Variants in TLN2 observed in about 807,000 individuals in gnomAD.
TLN2 encodes the protein talin-2.
Under a neutral mutation model 294.7 loss-of-function variants are expected in TLN2, and 118 were observed. The ratio of observed to expected loss-of-function variants is 0.40; its 90% confidence interval spans 0.34 to 0.47. The LOEUF (loss-of-function observed/expected upper bound fraction) is 0.47, where lower values mean the gene tolerates loss of function less well. Among genes scored for constraint, TLN2 ranks in the 20% least tolerant of loss-of-function variants. The pLI is 0.84. For synonymous variants in TLN2, 1,431 were observed against 1,304.5 expected, an observed-to-expected ratio of 1.10 and a Z score of -2.09; for missense variants, 3,083 against 3,282.2, an observed-to-expected ratio of 0.94 and a Z score of 1.48.
chr15:62,766,852 C>G (rs551641799), intron 41 of TLN2, among the ~76,000 whole-genome samples: 1 of 152,192 alleles, frequency 6.6e-6, no homozygotes, highest in Non-Finnish European at 1.5e-5. Context: ...AGTGTCTACT[C>G]TTAGACATAA....
At chr15:62,551,513 TACACACACACACACACACACAC>T in intron 1 of TLN2, among the ~76,000 whole-genome samples, 1 of 147,088 alleles carries the variant, frequency 6.8e-6, no homozygotes, top group African/African-American at 2.5e-5. Context: ...CTACTAAAAA[TACACACACACACACACACACAC>T]ACACACACAC....
At chr15:62,768,976 G>A (rs908824480) in intron 41 of TLN2, among the ~76,000 whole-genome samples, 1 of 152,204 alleles carries the variant, frequency 6.6e-6, no homozygotes, top group Non-Finnish European at 1.5e-5. Flanking sequence ...GTAAGGAATT[G>A]GCAGGGAAGA....
At chr15:62,486,387 T>A (rs1303912851) in intron 1 of TLN2, among the ~76,000 whole-genome samples, 1 of 152,018 alleles carries the variant, frequency 6.6e-6, no homozygotes, top group African/African-American at 2.4e-5. Flanking sequence ...CAATCCAGGA[T>A]TACGCAGATT....
chr15:62,548,019 G>T (rs1227126691), intron 1 of TLN2, among the ~76,000 whole-genome samples: 3 of 152,220 alleles, frequency 2.0e-5, no homozygotes, highest in Non-Finnish European at 4.4e-5. Context: ...CCCTTTGCAA[G>T]GGGTTGCAAA....
chr15:62,435,011 A>C (rs548820216), intron 1 of TLN2, among the ~76,000 whole-genome samples: 139 of 152,246 alleles, frequency 9.1e-4, no homozygotes, highest in African/African-American at 3.1e-3. Flanking sequence ...GAGAACATGC[A>C]GTGTTTGGTT....
chr15:62,586,357 G>T (rs2045613569), intron 1 of TLN2, among the ~76,000 whole-genome samples: 1 of 152,212 alleles, frequency 6.6e-6, no homozygotes, highest in Non-Finnish European at 1.5e-5. Context: ...GGGAAATTTT[G>T]TAGGGAAGAA....
intron 39 of TLN2, chr15:62,763,224 T>C (rs373741859): frequency 0.015 from 1,561 of 105,750 alleles, 14 homozygotes; most frequent in African/African-American, 0.055. Flanking sequence ...TTTTTTTTTC[T>C]TTTTTTTTTT....
chr15:62,569,052 G>T (rs562125573), intron 1 of TLN2, among the ~76,000 whole-genome samples: 1 of 152,212 alleles, frequency 6.6e-6, no homozygotes, highest in South Asian at 2.1e-4. Context: ...TCAGCTGCTG[G>T]TGGCTCCATG....
intron 1 of TLN2, among the ~76,000 whole-genome samples, chr15:62,496,236 C>T (rs1366977891): frequency 6.6e-6 from 1 of 152,158 alleles, no homozygotes. Context: ...TACGTGTCTA[C>T]GAAGAGAAGC....
chr15:62,402,011 A>G (rs1177914787), intron 1 of TLN2, among the ~76,000 whole-genome samples: 1 of 152,182 alleles, frequency 6.6e-6, no homozygotes. Flanking sequence ...GAATTATGCC[A>G]TCCAAAATGT....
chr15:62,776,947 T>C (rs1287818371), intron 43 of TLN2, 37 bp downstream of exon 43: 1 of 1,424,996 alleles, frequency 7.0e-7, no homozygotes, highest in Non-Finnish European at 9.3e-7. Context: ...CTCCCTTATC[T>C]CCCTCACCCA....
At chr15:62,814,709 A>G (rs2066956807) in intron 52 of TLN2, among the ~76,000 whole-genome samples, 1 of 152,266 alleles carries the variant, frequency 6.6e-6, no homozygotes. Flanking sequence ...TATAAAAAAT[A>G]CAAGTTCCTG....
chr15:62,781,579 T>C (rs369295307), intron 44 of TLN2, among the ~76,000 whole-genome samples: 29 of 152,190 alleles, frequency 1.9e-4, no homozygotes, highest in African/African-American at 7.0e-4. Context: ...GAGAATCTTA[T>C]TCACCTCACG....
At chr15:62,728,885 A>G (rs116434193) in intron 28 of TLN2, among the ~76,000 whole-genome samples, 113 of 151,996 alleles carry the variant, frequency 7.4e-4, no homozygotes, top group African/African-American at 2.7e-3. Context: ...TTTTTTCTTT[A>G]TGGTTAGTAC....
chr15:62,582,172 T>TAAC (rs143829552), intron 1 of TLN2, among the ~76,000 whole-genome samples: 17,678 of 138,348 alleles, frequency 0.13, 1,305 homozygotes, highest in Middle Eastern at 0.18. Flanking sequence ...CAGCCAGCCA[T>TAAC]AACTTCAGTG....
chr15:62,697,096 A>G (rs1444111430), intron 14 of TLN2, among the ~76,000 whole-genome samples: 1 of 152,186 alleles, frequency 6.6e-6, no homozygotes, highest in Non-Finnish European at 1.5e-5. Flanking sequence ...TATTATGGGA[A>G]TCTCTGTGTT....
At chr15:62,829,815 C>T (rs936453379) in intron 54 of TLN2, 1 of 152,174 alleles carries the variant, frequency 6.6e-6, no homozygotes, top group African/African-American at 2.4e-5. Context: ...CTCTGGGAGC[C>T]ATCCTTCTAC....
chr15:62,592,273 T>G (rs2046138066), intron 2 of TLN2, among the ~76,000 whole-genome samples: 1 of 152,228 alleles, frequency 6.6e-6, no homozygotes, highest in Non-Finnish European at 1.5e-5. Flanking sequence ...AATATGGTGA[T>G]TCAGTCCTTT....
At chr15:62,391,571 G>C (rs551794874) in intron 1 of TLN2, among the ~76,000 whole-genome samples, 38 of 152,330 alleles carry the variant, frequency 2.5e-4, no homozygotes, top group South Asian at 1.4e-3. Flanking sequence ...GGGGCGAGCA[G>C]TTTCTGGGTC....
Sources: gnomAD v4.1 joint callset for allele counts (sites outside exome capture counted in the v4.1 genomes callset) on GRCh38, gnomAD v4.1.1 for gene constraint, MANE v1.5 for transcripts, NCBI Gene and HGNC (gene_info 2026-07-23, HGNC 2026-07-21) for gene names.